The following PCDH15 variants were observed in gnomAD, a reference collection of about 807,000 sequenced individuals.
The protein encoded by PCDH15 is protocadherin-15.
A neutral mutation model predicts 178.5 loss-of-function variants in PCDH15; 129 were observed. The observed-to-expected ratio is 0.72, with a 90% CI of 0.63 to 0.84. The LOEUF (loss-of-function observed/expected upper bound fraction) is 0.84. Ranked by LOEUF, PCDH15 falls within the 40% of genes least tolerant of loss-of-function variation. The pLI is 0.00. For synonymous variants in PCDH15, 800 were observed against 732.0 expected, an observed-to-expected ratio of 1.09 and a Z score of -1.50; for missense variants, 2,230 against 2,099.9, an observed-to-expected ratio of 1.06 and a Z score of -1.21.
intron 3 of PCDH15, among the ~76,000 whole-genome samples, chr10:54,827,709 G>T (rs1455072014): frequency 6.6e-6 from 1 of 151,976 alleles, no homozygotes; most frequent in Non-Finnish European, 1.5e-5. Context: ...AAAAATTATT[G>T]TAGAGCTAAT....
intron 3 of PCDH15, among the ~76,000 whole-genome samples, chr10:54,855,906 A>G (rs1953733459): frequency 6.6e-6 from 1 of 152,230 alleles, no homozygotes; most frequent in African/African-American, 2.4e-5. Flanking sequence ...TGCTTGGTTT[A>G]GATACATTAA....
At chr10:54,941,855 G>A (rs1428811902) in intron 2 of PCDH15, among the ~76,000 whole-genome samples, 1 of 151,916 alleles carries the variant, frequency 6.6e-6, no homozygotes, top group African/African-American at 2.4e-5. Flanking sequence ...ATCTTCAAAT[G>A]ATTCAGCCTT....
chr10:54,767,101 A>G (rs1948606680), intron 1 of PCDH15, among the ~76,000 whole-genome samples: 1 of 152,128 alleles, frequency 6.6e-6, no homozygotes, highest in Non-Finnish European at 1.5e-5. Context: ...CAACATCTTC[A>G]TGTTCTCTAA....
chr10:53,980,819 C>G (rs1308914706), intron 21 of PCDH15, among the ~76,000 whole-genome samples: 1 of 152,108 alleles, frequency 6.6e-6, no homozygotes, highest in African/African-American at 2.4e-5. Context: ...CCTAACGGCA[C>G]TCAGGAAGAA....
chr10:54,248,679 G>A (rs2056213443), intron 8 of PCDH15, among the ~76,000 whole-genome samples: 1 of 151,984 alleles, frequency 6.6e-6, no homozygotes, highest in Non-Finnish European at 1.5e-5. Context: ...GTTTTGTTAG[G>A]GCATTTCTCA....
At chr10:55,183,919 GCAAT>G (rs1447242565) in intron 1 of PCDH15, among the ~76,000 whole-genome samples, 1 of 151,736 alleles carries the variant, frequency 6.6e-6, no homozygotes, top group Non-Finnish European at 1.5e-5. Context: ...AGTTATTTTG[GCAAT>G]CCTCACTTTG....
intron 2 of PCDH15, among the ~76,000 whole-genome samples, chr10:54,899,129 G>A (rs1954598914): frequency 6.6e-6 from 1 of 152,126 alleles, no homozygotes; most frequent in African/African-American, 2.4e-5. Context: ...TGAAGTTCCT[G>A]TAAATAATTC....
intron 1 of PCDH15, among the ~76,000 whole-genome samples, chr10:55,317,478 GT>G (rs11357324): frequency 0.19 from 28,550 of 149,864 alleles, 2,819 homozygotes; most frequent in South Asian, 0.25. Flanking sequence ...GCTTAATAGT[GT>G]TTTTTTTTTC....
intron 2 of PCDH15, among the ~76,000 whole-genome samples, chr10:55,385,928 T>C (rs897369848): frequency 4.0e-5 from 6 of 151,486 alleles, no homozygotes; most frequent in Admixed American, 1.3e-4. Context: ...TATTTATAAA[T>C]AGCATTGTTC....
intron 8 of PCDH15, among the ~76,000 whole-genome samples, chr10:54,263,803 T>C (rs1269875571): frequency 6.6e-6 from 1 of 152,144 alleles, no homozygotes; most frequent in African/African-American, 2.4e-5. Context: ...ATATTGTTCC[T>C]GGGTGTGTTT....
At chr10:54,675,672 C>T (rs533854194) in intron 1 of PCDH15, among the ~76,000 whole-genome samples, 3 of 151,766 alleles carry the variant, frequency 2.0e-5, no homozygotes, top group African/African-American at 7.3e-5. Flanking sequence ...TGCGATAATC[C>T]TTAGCCTTTC....
intron 2 of PCDH15, chr10:55,469,018 T>C (rs1839902569): frequency 6.6e-6 from 1 of 152,146 alleles, no homozygotes; most frequent in African/African-American, 2.4e-5. Context: ...AAAGTGTTTT[T>C]TTTAAAAGAA....
In PCDH15 at chr10:54,621,207, C is replaced by T. The variant is rs1016512026; in HGVS notation, c.91+42965G>A. On this transcript the variant is annotated intron_variant, in intron 2 of 37. Coordinates refer to ENST00000644397, the MANE Select transcript of PCDH15 (RefSeq NM_001384140.1). ...AATATTCATCAAAAATGGATTAATG[C>T]TAGGATTATTTTATTTCAAGTAAAT... Among the ~76,000 whole-genome samples, 29 of 151,828 alleles carry T rather than the reference C, an allele frequency of 1.9e-4. 1 individual carries two copies. Among genetic ancestry groups the T allele is most frequent in the Non-Finnish European group, 8.8e-5 (6 of 67,882 alleles).
At chr10:54,337,397 G>T (rs1941390240) in intron 6 of PCDH15, among the ~76,000 whole-genome samples, 1 of 152,178 alleles carries the variant, frequency 6.6e-6, no homozygotes, top group South Asian at 2.1e-4. Flanking sequence ...TTGAACTGTA[G>T]CTCCCATAAT....
chr10:54,936,707 A>G (rs1211135923), intron 2 of PCDH15, among the ~76,000 whole-genome samples: 2 of 145,238 alleles, frequency 1.4e-5, no homozygotes, highest in South Asian at 4.3e-4. Context: ...TTTTTTGCAC[A>G]TTTTTATTGT....
At chr10:55,519,710 T>C (rs1046378552) in intron 2 of PCDH15, among the ~76,000 whole-genome samples, 2 of 150,788 alleles carry the variant, frequency 1.3e-5, no homozygotes, top group Non-Finnish European at 3.0e-5. Context: ...ATAGATTTTC[T>C]CCAAAATTTA....
At chr10:54,771,534 CTTTA>C (rs1949093642) in intron 1 of PCDH15, among the ~76,000 whole-genome samples, 5 of 152,028 alleles carry the variant, frequency 3.3e-5, no homozygotes, top group African/African-American at 1.2e-4. Context: ...AAATATACAG[CTTTA>C]TTTATAAGTA....
chr10:54,577,203 C>G (rs1413167048), intron 2 of PCDH15, among the ~76,000 whole-genome samples: 1 of 151,952 alleles, frequency 6.6e-6, no homozygotes, highest in Non-Finnish European at 1.5e-5. Flanking sequence ...CTGCCTCAGC[C>G]CCCTGAGTAG....
intron 17 of PCDH15, 103 bp downstream of exon 17, chr10:54,079,228 C>T: frequency 8.9e-7 from 1 of 1,123,576 alleles, no homozygotes; most frequent in South Asian, 1.2e-5. Flanking sequence ...TAAGAAGTTG[C>T]TCCAGATGAA....
Sources: allele counts gnomAD v4.1 joint callset (sites outside exome capture counted in the v4.1 genomes callset), GRCh38; gene constraint gnomAD v4.1.1; transcripts MANE v1.5; gene names NCBI Gene and HGNC (gene_info 2026-07-23, HGNC 2026-07-21).